The following ZFHX3 variants were observed in gnomAD, a reference collection of about 807,000 sequenced individuals.
The protein encoded by ZFHX3 is zinc finger homeobox 3, also known as zinc finger homeobox protein 3.
In ZFHX3, 42 loss-of-function variants were observed where a neutral mutation model predicts 279.1. The ratio of observed to expected loss-of-function variants is 0.15; its 90% confidence interval spans 0.12 to 0.19. The LOEUF (loss-of-function observed/expected upper bound fraction) is 0.19. ZFHX3 is among the 10% of genes least tolerant of loss of function. ZFHX3 has a pLI of 1.00. For synonymous variants in ZFHX3, 2,293 were observed against 1,957.8 expected (o/e 1.17, Z -4.52); for missense variants, 4,981 against 4,754.0 (o/e 1.05, Z -1.40).
intron 1 of ZFHX3, among the ~76,000 whole-genome samples, chr16:73,823,690 T>C (rs1202248847): frequency 2.0e-5 from 3 of 152,144 alleles, no homozygotes; most frequent in Non-Finnish European, 4.4e-5. Context: ...ACGGAGACCA[T>C]CAGACCCGCA....
Position 72,813,471 on chromosome 16 carries a change from G to C in ZFHX3, c.3530-1433C>G, listed in dbSNP as rs1019718385. On this transcript the variant is annotated intron_variant, in intron 5 of 9. Coordinates refer to ENST00000268489, the MANE Select transcript of ZFHX3 (RefSeq NM_006885.4). ...TAAGGCCACAATATAATTTTGAAAA[G>C]AAATTTGCCAAATGCAGGAAATATA... Among the ~76,000 whole-genome samples the C allele has an allele frequency of 4.6e-5, 7 of 152,168 alleles. No homozygotes were observed. In the South Asian group the frequency reaches 8.3e-4, roughly 18 times the overall value.
chr16:73,048,310 C>G (rs1965376614), upstream of ZFHX3: 7 of 151,784 alleles, frequency 4.6e-5, no homozygotes, highest in South Asian at 1.4e-3. Context: ...GGGCGCAGGC[C>G]GGGTTGCTCG....
intron 3 of ZFHX3, among the ~76,000 whole-genome samples, chr16:73,429,748 C>T (rs75139829): frequency 1.9e-3 from 291 of 152,290 alleles, no homozygotes; most frequent in Non-Finnish European, 2.4e-3. Context: ...CATAGGCCCC[C>T]GGTGGGAACT....
intron 8 of ZFHX3, chr16:73,081,336 C>G (rs1224437810): frequency 6.6e-6 from 1 of 151,872 alleles, no homozygotes; most frequent in Non-Finnish European, 1.5e-5. Context: ...CTCTGCTCAC[C>G]ACAATCTTCG....
intron 2 of ZFHX3, among the ~76,000 whole-genome samples, chr16:73,665,117 T>G (rs887317945): frequency 2.0e-5 from 3 of 151,826 alleles, no homozygotes; most frequent in Non-Finnish European, 4.4e-5. Flanking sequence ...AATACAAAAG[T>G]AAGTAATTAA....
At chr16:73,378,339 T>C (rs1374705853) in intron 3 of ZFHX3, among the ~76,000 whole-genome samples, 1 of 152,200 alleles carries the variant, frequency 6.6e-6, no homozygotes, top group Non-Finnish European at 1.5e-5. Flanking sequence ...AGCTAATCAT[T>C]CATCCCCACC....
At chr16:72,847,726 C>T (rs888712650) in intron 4 of ZFHX3, among the ~76,000 whole-genome samples, 1 of 151,862 alleles carries the variant, frequency 6.6e-6, no homozygotes, top group African/African-American at 2.4e-5. Flanking sequence ...GGCCTAAAGC[C>T]AGAGCAAAAA....
chr16:72,843,164 C>A (rs1203602750), intron 4 of ZFHX3, among the ~76,000 whole-genome samples: 2 of 152,016 alleles, frequency 1.3e-5, no homozygotes, highest in Non-Finnish European at 2.9e-5. Flanking sequence ...ACCACAAGTA[C>A]CTCAATTTTA....
intron 2 of ZFHX3, among the ~76,000 whole-genome samples, chr16:73,519,626 C>T (rs1341186625): frequency 1.3e-5 from 2 of 152,114 alleles, no homozygotes; most frequent in Admixed American, 6.6e-5. Context: ...TCACATGCCA[C>T]CTGTCTTGTC....
intron 8 of ZFHX3, chr16:73,081,446 A>C (rs1965943825): frequency 6.6e-6 from 1 of 151,994 alleles, no homozygotes; most frequent in Non-Finnish European, 1.5e-5. Context: ...TTTAGTAGAG[A>C]CGGGGTTTCT....
In ZFHX3 at chr16:73,445,096, T is replaced by C. The variant is rs77919024; in HGVS notation, c.-1291+10907A>G. ...GTTACAGTGAGCGGAGATTGCGCCA[T>C]TGCACTTCAGCCTGGGTGACAGAAC... On this transcript the variant is annotated intron_variant, in intron 3 of 17. Transcript: ENST00000641206. Among the ~76,000 whole-genome samples the C allele has an allele frequency of 2.0e-5, 3 of 151,790 alleles. No homozygotes were observed. The East Asian group carries it at 5.8e-4, about 29-fold the overall frequency.
chr16:72,978,723 T>C (rs777017653), intron 1 of ZFHX3, among the ~76,000 whole-genome samples: 34 of 152,248 alleles, frequency 2.2e-4, no homozygotes, highest in Admixed American at 7.2e-4. Flanking sequence ...AGAATAAACA[T>C]CCTTACAACC....
chr16:73,251,258 C>G (rs928236044), intron 5 of ZFHX3, among the ~76,000 whole-genome samples: 1 of 152,216 alleles, frequency 6.6e-6, no homozygotes, highest in Non-Finnish European at 1.5e-5. Context: ...AACTCACCAA[C>G]TGTGTACAGT....
intron 2 of ZFHX3, among the ~76,000 whole-genome samples, chr16:73,520,190 T>C (rs1276062581): frequency 6.6e-6 from 1 of 152,186 alleles, no homozygotes; most frequent in Non-Finnish European, 1.5e-5. Context: ...ATCTCACTCT[T>C]AAAAAGATGT....
chr16:72,857,690 T>A (rs1426463080), intron 4 of ZFHX3, among the ~76,000 whole-genome samples: 1 of 144,316 alleles, frequency 6.9e-6, no homozygotes, highest in African/African-American at 2.8e-5. Context: ...GTCTCTGTAA[T>A]TGACAAAAAC....
At chr16:73,488,658 G>A (rs532572422) in intron 2 of ZFHX3, among the ~76,000 whole-genome samples, 1 of 152,284 alleles carries the variant, frequency 6.6e-6, no homozygotes, top group African/African-American at 2.4e-5. Flanking sequence ...TCTGACTTAG[G>A]AAGCCATAGG....
chr16:73,338,754 C>G (rs1338730629), intron 3 of ZFHX3, among the ~76,000 whole-genome samples: 2 of 152,116 alleles, frequency 1.3e-5, no homozygotes, highest in African/African-American at 2.4e-5. Context: ...TGTCCCTGCT[C>G]AAATCTCATG....
intron 1 of ZFHX3, among the ~76,000 whole-genome samples, chr16:73,887,853 A>T (rs1256542394): frequency 6.6e-6 from 1 of 151,720 alleles, no homozygotes; most frequent in Non-Finnish European, 1.5e-5. Context: ...TTAAAATCTG[A>T]ATTTTTTTTA....
intron 4 of ZFHX3, among the ~76,000 whole-genome samples, chr16:72,872,720 A>T (rs1338037505): frequency 6.6e-6 from 1 of 152,184 alleles, no homozygotes; most frequent in African/African-American, 2.4e-5. Context: ...CGGCCTCACA[A>T]AGTGCTCAGA....
Sources: allele counts gnomAD v4.1 joint callset (sites outside exome capture counted in the v4.1 genomes callset), GRCh38; gene constraint gnomAD v4.1.1; transcripts MANE v1.5; gene names NCBI Gene and HGNC (gene_info 2026-07-23, HGNC 2026-07-21).